LUZP2: variants seen among roughly 807,000 people sequenced by gnomAD.
LUZP2 encodes leucine zipper protein 2.
Under a neutral mutation model 51.6 loss-of-function variants are expected in LUZP2, and 52 were observed. The ratio of observed to expected loss-of-function variants is 1.01; its 90% CI spans 0.81 to 1.27. LUZP2 has a LOEUF of 1.27. LUZP2 is among the 50% of genes most tolerant of loss of function. The probability of loss-of-function intolerance (pLI) is 0.00; values close to 1 mark genes in which losing one functional copy is unlikely to be tolerated. For missense variants in LUZP2, 436 were observed against 395.4 expected, an observed-to-expected ratio of 1.10 and a Z score of -0.87; for synonymous variants, 154 against 137.3, an observed-to-expected ratio of 1.12 and a Z score of -0.85.
intron 1 of LUZP2, among the ~76,000 whole-genome samples, chr11:24,548,450 A>C (rs976684927): frequency 6.6e-6 from 1 of 152,076 alleles, no homozygotes; most frequent in Non-Finnish European, 1.5e-5. Context: ...TAATGCAGGA[A>C]GAGAAAACCA....
chr11:24,768,518 G>T (rs1860280003), intron 5 of LUZP2, among the ~76,000 whole-genome samples: 1 of 152,080 alleles, frequency 6.6e-6, no homozygotes, highest in Non-Finnish European at 1.5e-5. Flanking sequence ...TATGCTCAAG[G>T]GGTTAATATT....
chr11:24,736,975 T>G (rs1858967024), intron 3 of LUZP2, among the ~76,000 whole-genome samples: 1 of 152,058 alleles, frequency 6.6e-6, no homozygotes, highest in Non-Finnish European at 1.5e-5. Context: ...AGACAGACTT[T>G]CTTTCTCATT....
In LUZP2 at chr11:24,827,522, G is replaced by A. The variant is rs140005999; in HGVS notation, c.396+64214G>A. On this transcript the variant is annotated intron_variant, in intron 5 of 11. Transcript: ENST00000336930. ...GATGTTAACTAAATAATAGCATACC[G>A]TGCTATTCTTAAGGAAAAGTACATT... Among the ~76,000 whole-genome samples the A allele has an allele frequency of 3.5e-3, 540 of 152,162 alleles. 2 individuals carry two copies. The highest frequency in any genetic ancestry group is 0.012 in the African/African-American group (505 of 41,508).
intron 7 of LUZP2, among the ~76,000 whole-genome samples, chr11:24,917,815 C>T (rs994153999): frequency 7.2e-5 from 11 of 151,954 alleles, no homozygotes; most frequent in Non-Finnish European, 1.2e-4. Flanking sequence ...CTTGGCAATG[C>T]GGGCTCTTTT....
intron 1 of LUZP2, among the ~76,000 whole-genome samples, chr11:24,637,501 A>C (rs1855145239): frequency 6.6e-6 from 1 of 151,914 alleles, no homozygotes; most frequent in Admixed American, 6.5e-5. Flanking sequence ...GGGGTCGGGC[A>C]GAATAGAGCC....
intron 1 of LUZP2, among the ~76,000 whole-genome samples, chr11:24,538,288 C>T (rs1851244619): frequency 6.6e-6 from 1 of 151,534 alleles, no homozygotes; most frequent in South Asian, 2.1e-4. Context: ...TGGGCTATAT[C>T]ACACTATATT....
intron 4 of LUZP2, among the ~76,000 whole-genome samples, chr11:24,758,742 C>G (rs187695384): frequency 4.3e-4 from 66 of 152,024 alleles, no homozygotes; most frequent in African/African-American, 1.6e-3. Context: ...TTGTCCTTGA[C>G]TAAACATCAA....
At chr11:24,837,283 C>G (rs1251896561) in intron 5 of LUZP2, among the ~76,000 whole-genome samples, 1 of 151,544 alleles carries the variant, frequency 6.6e-6, no homozygotes, top group Non-Finnish European at 1.5e-5. Flanking sequence ...TCTAAGAACA[C>G]AAAACAGATT....
At chr11:24,964,309 A>T (rs1157467711) in intron 7 of LUZP2, among the ~76,000 whole-genome samples, 1 of 152,220 alleles carries the variant, frequency 6.6e-6, no homozygotes, top group African/African-American at 2.4e-5. Flanking sequence ...ATAATCTCAG[A>T]AAAAGAGGCT....
At position 25,018,627 on chromosome 11, in the gene LUZP2, A is replaced by T. The variant is rs201208155; in HGVS notation, c.766-31411A>T. 7.3e-3 allele frequency among the ~76,000 whole-genome samples: 171 copies of T among 23,320 alleles called. 6 individuals carry two copies. Among genetic ancestry groups the T allele is most frequent in the African/African-American group, 0.017 (36 of 2,090 alleles). The allele number at this position is 23,320 out of a possible 152,430, so 15.3% of individuals were successfully genotyped here. On this transcript the variant is annotated intron_variant, in intron 9 of 11. Transcript: ENST00000336930. ...CCTTTTTTTTTTTTTTTTTTTTTTT[A>T]AAGACACTCTCACTCTGTTGCCCAG...
At chr11:24,988,469 T>A (rs1442991695) in intron 9 of LUZP2, among the ~76,000 whole-genome samples, 2 of 152,032 alleles carry the variant, frequency 1.3e-5, no homozygotes, top group African/African-American at 2.4e-5. Flanking sequence ...TCCTCACAAC[T>A]TTCTAAAGGC....
chr11:24,951,812 C>A (rs1012575547), intron 7 of LUZP2, among the ~76,000 whole-genome samples: 4 of 151,500 alleles, frequency 2.6e-5, no homozygotes, highest in Admixed American at 2.0e-4. Context: ...AAAACCCTTA[C>A]AAAAACTTTA....
intron 7 of LUZP2, among the ~76,000 whole-genome samples, chr11:24,936,810 C>T (rs975823336): frequency 1.3e-5 from 2 of 152,082 alleles, no homozygotes; most frequent in African/African-American, 4.8e-5. Flanking sequence ...TTCACAATAA[C>T]CAACACATAT....
In LUZP2 at chr11:24,497,166, C is replaced by G; in HGVS notation, c.-78C>G. ...GCTCATCACTGGCTGGGGACAGAGC[C>G]GGGCACCAAGGAGCGACAGGATCCC... On this transcript the variant is annotated 5_prime_UTR_variant, in exon 1 of 12. Coordinates refer to ENST00000336930, the MANE Select transcript of LUZP2 (RefSeq NM_001009909.4). 2 of 1,339,314 alleles carry G rather than the reference C, an allele frequency of 1.5e-6. No individual in the cohort carries two copies. Among genetic ancestry groups the G allele is most frequent in the Non-Finnish European group, 2.0e-6 (2 of 988,564 alleles). The allele number at this position is 1,339,314 out of a possible 1,614,324, so 83.0% of individuals were successfully genotyped here. A position where few individuals can be genotyped will look rare whatever the true frequency, so the allele number is the denominator to read the frequency against.
intron 10 of LUZP2, 102 bp from the exon 11 acceptor site, chr11:25,077,227 A>G (rs1859335296): frequency 2.3e-6 from 2 of 878,490 alleles, no homozygotes; most frequent in South Asian, 1.3e-5. Context: ...TCAAAGTGAT[A>G]GAATCTTCTC....
At position 24,502,465 on chromosome 11, in the gene LUZP2, A is replaced by ATCTCTGCCTCCTGGGTTTAAGCAAT. The variant is rs531469345; in HGVS notation, c.62+5171_62+5195dup. Among the ~76,000 whole-genome samples the ATCTCTGCCTCCTGGGTTTAAGCAAT allele has an allele frequency of 9.6e-3, 1,453 of 152,020 alleles. 23 individuals are homozygous for ATCTCTGCCTCCTGGGTTTAAGCAAT. Among genetic ancestry groups the ATCTCTGCCTCCTGGGTTTAAGCAAT allele is most frequent in the African/African-American group, 0.034 (1,400 of 41,420 alleles). On this transcript the variant is annotated intron_variant, in intron 1 of 11. Transcript: ENST00000336930. ...AGTGGTGCCATCTCGGCTCCCTGCA[A>ATCTCTGCCTCCTGGGTTTAAGCAAT]TCTCTGCCTCCTGGGTTTAAGCAAT... is the stretch of plus-strand genomic sequence containing the variant.
chr11:24,581,943 G>A (rs1852871330), intron 1 of LUZP2, among the ~76,000 whole-genome samples: 1 of 151,940 alleles, frequency 6.6e-6, no homozygotes, highest in Admixed American at 6.6e-5. Context: ...TGTTCAGCTT[G>A]ACTCCAAAGC....
chr11:24,667,572 C>T (rs1200485269), intron 1 of LUZP2, among the ~76,000 whole-genome samples: 1 of 152,060 alleles, frequency 6.6e-6, no homozygotes, highest in Non-Finnish European at 1.5e-5. Context: ...TAATGGGGAG[C>T]TGAGTGGGGA....
At chr11:24,569,777 C>A (rs991998003) in intron 1 of LUZP2, among the ~76,000 whole-genome samples, 3 of 151,876 alleles carry the variant, frequency 2.0e-5, no homozygotes, top group Admixed American at 6.6e-5. Context: ...AGCACCTAAA[C>A]TGCTGACATA....
Sources: gnomAD v4.1 joint callset for allele counts (sites outside exome capture counted in the v4.1 genomes callset) on GRCh38, gnomAD v4.1.1 for gene constraint, MANE v1.5 for transcripts, NCBI Gene and HGNC (gene_info 2026-07-23, HGNC 2026-07-21) for gene names.